Variants in VWA8 observed in about 807,000 individuals in gnomAD.
The protein encoded by VWA8 is von Willebrand factor A domain-containing protein 8.
A neutral mutation model predicts 241.5 loss-of-function variants in VWA8; 221 were observed. That is an observed-to-expected ratio of 0.91 (90% confidence interval 0.82 to 1.02). VWA8 has a LOEUF of 1.02. Ranked by LOEUF, VWA8 falls within the 50% of genes least tolerant of loss-of-function variation. The pLI is 0.00. For synonymous variants in VWA8, 852 were observed against 827.1 expected, an observed-to-expected ratio of 1.03 and a Z score of -0.52; for missense variants, 2,322 against 2,328.7, an observed-to-expected ratio of 1.00 and a Z score of 0.06.
At chr13:41,931,298 A>C (rs915884401) in intron 2 of VWA8, among the ~76,000 whole-genome samples, 72 of 146,200 alleles carry the variant, frequency 4.9e-4, no homozygotes, top group African/African-American at 1.6e-3. Flanking sequence ...AAAAAAAAAA[A>C]AAAAAACCCC....
chr13:41,957,267 G>A (rs1251492467), intron 1 of VWA8, among the ~76,000 whole-genome samples: 1 of 152,124 alleles, frequency 6.6e-6, no homozygotes, highest in African/African-American at 2.4e-5. Context: ...GAGGTCTGAT[G>A]GTTCTATAAA....
chr13:41,812,498 G>T (rs1870514086), intron 16 of VWA8, among the ~76,000 whole-genome samples: 1 of 152,010 alleles, frequency 6.6e-6, no homozygotes, highest in Admixed American at 6.6e-5. Context: ...CTAGAAAAGA[G>T]GACTCTATGA....
intron 2 of VWA8, among the ~76,000 whole-genome samples, chr13:41,935,282 G>T (rs1048669620): frequency 2.6e-5 from 4 of 152,054 alleles, no homozygotes; most frequent in Admixed American, 6.6e-5. Flanking sequence ...TTTGCTGAAG[G>T]CACCTTTGTT....
chr13:41,907,935 T>C (rs1445101445), intron 3 of VWA8, among the ~76,000 whole-genome samples: 1 of 152,208 alleles, frequency 6.6e-6, no homozygotes, highest in African/African-American at 2.4e-5. Flanking sequence ...ACTTAAGCAA[T>C]AATAATCAAA....
intron 26 of VWA8, among the ~76,000 whole-genome samples, chr13:41,703,727 T>C (rs1157182572): frequency 6.6e-6 from 1 of 152,012 alleles, no homozygotes; most frequent in Non-Finnish European, 1.5e-5. Flanking sequence ...TGGTAGAGTA[T>C]AGGAAAACTT....
intron 37 of VWA8, among the ~76,000 whole-genome samples, chr13:41,621,722 G>A (rs1359535982): frequency 6.6e-6 from 1 of 152,128 alleles, no homozygotes; most frequent in Non-Finnish European, 1.5e-5. Context: ...AAGGCACAAA[G>A]TAAAAGAAAA....
chr13:41,819,337 G>T lies in VWA8; in HGVS notation c.1750C>A (p.Pro584Thr). 1 of 1,612,088 alleles carries T rather than the reference G, an allele frequency of 6.2e-7. No individual in the cohort carries two copies. The highest frequency in any genetic ancestry group is 1.1e-5 in the South Asian group (1 of 90,342). ...PSFRIIALAE[P>T]PVIGSTAHQW... Reference sequence around the variant, plus strand: ...TGTGCTGTGCTTCCAATAACAGGGGGTTCTGCCAAGGCAATGATTCTGAAG... The same window carrying T: ...TGTGCTGTGCTTCCAATAACAGGGGTTTCTGCCAAGGCAATGATTCTGAAG... The change falls in exon 15 of 45, where the codon CCC (proline) becomes ACC (threonine). Residue 584 changes from proline to threonine, a missense_variant. Pro to Thr is a conservative substitution (Grantham distance 38). Transcript: ENST00000379310.
intron 2 of VWA8, among the ~76,000 whole-genome samples, chr13:41,941,707 A>T (rs1224316149): frequency 1.3e-5 from 2 of 152,208 alleles, no homozygotes; most frequent in African/African-American, 2.4e-5. Context: ...AAGGAACAAG[A>T]ACCAAACCAC....
In VWA8 at chr13:41,729,402, T is replaced by C. The variant is rs189963523; in HGVS notation, c.2638+140A>G. The C allele has an allele frequency of 2.0e-3, 1,651 of 809,204 alleles. 5 individuals are homozygous for C. The highest frequency in any genetic ancestry group is 2.4e-3 in the Non-Finnish European group (1,323 of 551,526). 50.1% of individuals were successfully genotyped at this position (809,204 alleles called of 1,614,324 possible). The stretch of plus-strand genomic sequence containing the variant: ...ATTCAGATGTATTAATTTTTATAAA[T>C]GATTGTCAATACAGGCAACTTAAGT... On this transcript the variant is annotated intron_variant, in intron 23 of 44. Transcript: ENST00000379310.
intron 26 of VWA8, among the ~76,000 whole-genome samples, chr13:41,710,235 T>G (rs1262956909): frequency 6.6e-6 from 1 of 152,186 alleles, no homozygotes; most frequent in Non-Finnish European, 1.5e-5. Flanking sequence ...AATGATGCAC[T>G]CTACTTTGCA....
intron 15 of VWA8, among the ~76,000 whole-genome samples, chr13:41,817,035 T>C (rs1354169491): frequency 6.6e-6 from 1 of 152,142 alleles, no homozygotes; most frequent in African/African-American, 2.4e-5. Context: ...ATCACCACGA[T>C]AAAACTGAAG....
At chr13:41,881,266 T>C (rs1174647930) in intron 9 of VWA8, among the ~76,000 whole-genome samples, 1 of 150,814 alleles carries the variant, frequency 6.6e-6, no homozygotes, top group Non-Finnish European at 1.5e-5. Flanking sequence ...CAGGCTCATC[T>C]TCTGCATTCC....
chr13:41,844,388 C>T (rs976126820), intron 12 of VWA8, among the ~76,000 whole-genome samples: 24 of 152,148 alleles, frequency 1.6e-4, no homozygotes, highest in Admixed American at 1.5e-3. Context: ...CAACATCACA[C>T]TGAATGGGCA....
At chr13:41,841,832 T>A (rs867618523) in intron 12 of VWA8, among the ~76,000 whole-genome samples, 7 of 67,792 alleles carry the variant, frequency 1.0e-4, no homozygotes, top group East Asian at 4.7e-4. Context: ...TATATATATA[T>A]ATATATATAT....
rs754590759 is a variant in VWA8 at position 41,891,421 on chromosome 13, C to G, written c.650G>C (p.Arg217Pro). Residue 217 changes from arginine to proline, a missense_variant and splice_region_variant, in exon 5 of 45, where the codon CGA (arginine) becomes CCA (proline). Coordinates refer to ENST00000379310, the MANE Select transcript of VWA8 (RefSeq NM_015058.2). ...AGCAACAGGATTTTCTTTTCTTACT[C>G]GGAGAAGTTTGTCGTAACGCTCAGC... Reference protein sequence around the residue: ...MSAERYDKLLRDHTKKELDSW... With the variant: ...MSAERYDKLLPDHTKKELDSW... 4 of 1,614,018 alleles carry G rather than the reference C, an allele frequency of 2.5e-6. No homozygotes were observed. The highest frequency in any genetic ancestry group is 3.4e-6 in the Non-Finnish European group (4 of 1,179,956).
intron 12 of VWA8, among the ~76,000 whole-genome samples, chr13:41,843,606 A>T (rs1452057475): frequency 6.6e-6 from 1 of 152,128 alleles, no homozygotes; most frequent in Non-Finnish European, 1.5e-5. Flanking sequence ...CGAAATTAAT[A>T]AAAAAAGGGA....
At chr13:41,808,674 C>T (rs934268915) in intron 17 of VWA8, among the ~76,000 whole-genome samples, 13 of 152,070 alleles carry the variant, frequency 8.5e-5, no homozygotes, top group Non-Finnish European at 1.8e-4. Context: ...AAACTGGAAG[C>T]CTTTCCTCTA....
intron 9 of VWA8, among the ~76,000 whole-genome samples, chr13:41,871,953 C>T (rs1417824821): frequency 2.0e-5 from 3 of 152,212 alleles, no homozygotes; most frequent in Non-Finnish European, 4.4e-5. Flanking sequence ...TTCTCCACAT[C>T]CTCTGCAGCA....
intron 37 of VWA8, among the ~76,000 whole-genome samples, chr13:41,630,856 A>C (rs1267162056): frequency 2.6e-5 from 4 of 152,186 alleles, no homozygotes; most frequent in Non-Finnish European, 5.9e-5. Flanking sequence ...TATGTATTGA[A>C]TGCAAGCATG....
Sources: allele counts gnomAD v4.1 joint callset (sites outside exome capture counted in the v4.1 genomes callset), GRCh38; gene constraint gnomAD v4.1.1; transcripts MANE v1.5; gene names NCBI Gene and HGNC (gene_info 2026-07-23, HGNC 2026-07-21).